The following UVRAG variants were observed in gnomAD, a reference collection of about 807,000 sequenced individuals.
The protein encoded by UVRAG is UV radiation resistance-associated gene protein.
A neutral mutation model predicts 78.0 loss-of-function variants in UVRAG; 19 were observed. The ratio of observed to expected loss-of-function variants is 0.24; its 90% CI spans 0.17 to 0.36. The LOEUF (loss-of-function observed/expected upper bound fraction) is 0.36, where lower values mean the gene tolerates loss of function less well. Ranked by LOEUF, UVRAG falls within the 10% of genes least tolerant of loss-of-function variation. The pLI, the probability that UVRAG is intolerant of heterozygous loss-of-function variation, is 1.00. For missense variants in UVRAG, 740 were observed against 853.8 expected (o/e 0.87, Z 1.66); for synonymous variants, 323 against 324.6 (o/e 1.00, Z 0.05).
intron 13 of UVRAG, among the ~76,000 whole-genome samples, chr11:76,086,358 T>C (rs1340267558): frequency 6.6e-6 from 1 of 152,240 alleles, no homozygotes; most frequent in African/African-American, 2.4e-5. Flanking sequence ...GGAATAACCT[T>C]GGACAGGGAG....
At chr11:75,855,090 A>G (rs182762722) in intron 2 of UVRAG, among the ~76,000 whole-genome samples, 3 of 152,354 alleles carry the variant, frequency 2.0e-5, no homozygotes, top group Admixed American at 6.5e-5. Flanking sequence ...TCTAAAAAGA[A>G]TAGTCATGGG....
At chr11:75,875,742 T>G (rs1946760602) in intron 3 of UVRAG, among the ~76,000 whole-genome samples, 1 of 152,076 alleles carries the variant, frequency 6.6e-6, no homozygotes, top group African/African-American at 2.4e-5. Flanking sequence ...GTGTAGGGAT[T>G]TGGTGGATTT....
intron 6 of UVRAG, among the ~76,000 whole-genome samples, chr11:75,925,811 A>G (rs781040427): frequency 1.3e-5 from 2 of 152,212 alleles, no homozygotes; most frequent in African/African-American, 2.4e-5. Flanking sequence ...TGTGTTCACA[A>G]TAGCCACACT....
intron 13 of UVRAG, among the ~76,000 whole-genome samples, chr11:76,096,744 C>G (rs150057220): frequency 1.6e-4 from 25 of 152,270 alleles, no homozygotes; most frequent in Non-Finnish European, 3.5e-4. Flanking sequence ...TCAGATTTTG[C>G]CACCAGAGCC....
rs113850847 is a variant in UVRAG, at chr11:76,113,748, C to T, written c.1306-2176C>T. On this transcript the variant is annotated intron_variant, in intron 13 of 14. Coordinates refer to ENST00000356136, the MANE Select transcript of UVRAG (RefSeq NM_003369.4). The stretch of plus-strand genomic sequence containing the variant: ...TCCCTGTGACTTTGGGCAGGATGCT[C>T]TTGTCTTCCTGGGCCTTAGTTTCTT... Among the ~76,000 whole-genome samples the T allele has an allele frequency of 1.7e-3, 260 of 152,106 alleles. 5 individuals carry two copies. The highest frequency in any genetic ancestry group is 6.0e-3 in the African/African-American group (248 of 41,494).
At chr11:75,862,301 C>T (rs772927893) in intron 3 of UVRAG, among the ~76,000 whole-genome samples, 34 of 152,212 alleles carry the variant, frequency 2.2e-4, no homozygotes, top group Middle Eastern at 6.8e-3. Context: ...GTATAGGATA[C>T]TCCTACTTGT....
intron 2 of UVRAG, 143 bp from the exon 3 acceptor site, chr11:75,861,603 T>G: frequency 2.1e-6 from 1 of 486,860 alleles, no homozygotes; most frequent in South Asian, 4.1e-5. Flanking sequence ...TTTTAACAGA[T>G]AAAGATATAG....
chr11:76,076,617 T>C (rs1283576555), intron 13 of UVRAG, among the ~76,000 whole-genome samples: 2 of 152,164 alleles, frequency 1.3e-5, no homozygotes, highest in Non-Finnish European at 2.9e-5. Context: ...CTCTGTATCC[T>C]CACCAACACT....
rs151269681 is a variant in UVRAG at position 75,901,325 on chromosome 11, C to T, written c.508-10629C>T. ...TATTTTACCTAGGTTAAGTAGAAGACGACTATTTTCAAAGCTCACTTATGG... is the reference window on the plus strand; with the variant it reads ...TATTTTACCTAGGTTAAGTAGAAGATGACTATTTTCAAAGCTCACTTATGG... On this transcript the variant is annotated intron_variant, in intron 5 of 14. Transcript: ENST00000356136. 6.9e-3 allele frequency among the ~76,000 whole-genome samples: 1,053 copies of T among 151,988 alleles called. 5 individuals carry two copies. Among genetic ancestry groups the T allele is most frequent in the Middle Eastern group, 0.014 (4 of 294 alleles).
chr11:76,056,534 C>T lies in UVRAG; in HGVS notation c.1227-9176C>T, dbSNP rs575185897. Among the ~76,000 whole-genome samples the T allele has an allele frequency of 1.6e-4, 24 of 152,276 alleles. 1 individual carries two copies. The East Asian group carries it at 4.6e-3, about 29-fold the overall frequency. ...CTTTTAATCTGAAGGTTCTCTCCTTCTTTATTTTTCCTTGCATTTTTTTCC... is the reference window on the plus strand; with the variant it reads ...CTTTTAATCTGAAGGTTCTCTCCTTTTTTATTTTTCCTTGCATTTTTTTCC... On this transcript the variant is annotated intron_variant, in intron 12 of 14. Transcript: ENST00000356136.
chr11:75,949,380 A>T (rs967321714), intron 6 of UVRAG, among the ~76,000 whole-genome samples: 1 of 152,012 alleles, frequency 6.6e-6, no homozygotes, highest in East Asian at 1.9e-4. Flanking sequence ...TCATTCTCGC[A>T]GTCTTCAGGG....
intron 6 of UVRAG, among the ~76,000 whole-genome samples, chr11:75,949,086 G>T (rs1244436548): frequency 1.3e-5 from 2 of 152,182 alleles, no homozygotes; most frequent in African/African-American, 4.8e-5. Flanking sequence ...TGGCTAGGTG[G>T]CAGTCTATCT....
At chr11:76,015,372 T>C (rs967767673) in intron 11 of UVRAG, among the ~76,000 whole-genome samples, 1 of 152,102 alleles carries the variant, frequency 6.6e-6, no homozygotes, top group African/African-American at 2.4e-5. Flanking sequence ...TGTTTAACAA[T>C]AAATTTATGA....
intron 6 of UVRAG, among the ~76,000 whole-genome samples, chr11:75,927,179 C>T (rs1448634775): frequency 1.3e-5 from 2 of 151,804 alleles, no homozygotes; most frequent in East Asian, 3.9e-4. Flanking sequence ...AAGCAATTCT[C>T]CTGCCTCAGC....
chr11:75,888,884 G>C lies in UVRAG; in HGVS notation c.488G>C (p.Gly163Ala). 6.2e-7 allele frequency: 1 copy of C among 1,613,386 alleles called. No homozygotes were observed. The highest frequency in any genetic ancestry group is 8.5e-7 in the Non-Finnish European group (1 of 1,179,708). ...IIFGLNDGYY[G>A]APFEHKGYSN... ...TTTGGGCTGAATGATGGATACTATG[G>C]TGCTCCATTTGAACATAAGGTAAGA... The change falls in exon 5 of 15, where the codon GGT (glycine) becomes GCT (alanine). Residue 163 changes from glycine to alanine, a missense_variant. Gly to Ala is a moderately conservative substitution (Grantham distance 60). Coordinates refer to ENST00000356136, the MANE Select transcript of UVRAG (RefSeq NM_003369.4).
chr11:76,080,861 C>T (rs1951481580), intron 13 of UVRAG, among the ~76,000 whole-genome samples: 1 of 152,196 alleles, frequency 6.6e-6, no homozygotes. Context: ...GTTAGGAGAA[C>T]AAGTACAGAC....
intron 13 of UVRAG, among the ~76,000 whole-genome samples, chr11:76,093,012 A>G (rs1486457305): frequency 4.6e-5 from 7 of 152,166 alleles, no homozygotes; most frequent in South Asian, 2.1e-4. Flanking sequence ...TAATTTTTGT[A>G]TAAGGTGTAA....
intron 5 of UVRAG, among the ~76,000 whole-genome samples, chr11:75,893,786 T>A (rs942873767): frequency 4.1e-5 from 6 of 147,738 alleles, no homozygotes; most frequent in African/African-American, 7.6e-5. Flanking sequence ...GAGGCTGCAG[T>A]GAGCTGTGAT....
chr11:76,037,804 G>A (rs569904959), intron 12 of UVRAG, among the ~76,000 whole-genome samples: 58 of 152,258 alleles, frequency 3.8e-4, no homozygotes, highest in African/African-American at 1.4e-3. Context: ...ATGGTAGGCA[G>A]AATTTGAAAC....
Sources: gnomAD v4.1 joint callset for allele counts (sites outside exome capture counted in the v4.1 genomes callset) on GRCh38, gnomAD v4.1.1 for gene constraint, MANE v1.5 for transcripts, NCBI Gene and HGNC (gene_info 2026-07-23, HGNC 2026-07-21) for gene names.